PXN: variants seen among roughly 807,000 people sequenced by gnomAD.
PXN encodes the protein paxillin, also known as testicular tissue protein Li 134.
PXN carries 61 observed loss-of-function variants against 103.6 expected under a neutral mutation model. The ratio of observed to expected loss-of-function variants is 0.59; its 90% CI spans 0.48 to 0.73. PXN has a LOEUF of 0.73. Among genes scored for constraint, PXN ranks in the 30% least tolerant of loss-of-function variants. The probability of loss-of-function intolerance (pLI) is 0.00; values close to 1 mark genes in which losing one functional copy is unlikely to be tolerated. For synonymous variants in PXN, 562 were observed against 607.8 expected, an observed-to-expected ratio of 0.92 and a Z score of 1.11; for missense variants, 1,274 against 1,460.3, an observed-to-expected ratio of 0.87 and a Z score of 2.08.
At chr12:120,236,236 G>C (rs567522266) in intron 1 of PXN, among the ~76,000 whole-genome samples, 2 of 152,236 alleles carry the variant, frequency 1.3e-5, no homozygotes, top group African/African-American at 4.8e-5. Context: ...ACTGGCTCTC[G>C]ACCCTGACGT....
At position 120,221,620 on chromosome 12, in the gene PXN, C is replaced by T. The variant is rs536358857; in HGVS notation, c.831+3G>A. 70 of 1,560,724 alleles carry T rather than the reference C, an allele frequency of 4.5e-5. No homozygotes were observed. The African/African-American group carries it at 8.1e-4, about 18-fold the overall frequency. On this transcript the variant is annotated splice_donor_region_variant and intron_variant, in intron 6 of 14. Coordinates refer to ENST00000637617, the MANE Select transcript of PXN (RefSeq NM_001385981.1). The surrounding 1 kb of genome is among the most constrained non-coding windows in gnomAD (Gnocchi z 6.6). ...CAGGGAAGATGGAGGGTTCACAGGG[C>T]ACCTTGAAATCCGACAGCGAAGCCA...
chr12:120,218,773 G>C (rs1272541253), intron 7 of PXN, among the ~76,000 whole-genome samples: 1 of 152,198 alleles, frequency 6.6e-6, no homozygotes, highest in African/African-American at 2.4e-5. Context: ...ACACTTTCCA[G>C]GAATTATCTC....
chr12:120,222,010 G>T lies in PXN; in HGVS notation c.696-252C>A, dbSNP rs1390362530. Among the ~76,000 whole-genome samples the T allele has an allele frequency of 6.6e-6, 1 of 152,212 alleles. No individual in the cohort carries two copies. Among genetic ancestry groups the T allele is most frequent in the East Asian group, 1.9e-4 (1 of 5,198 alleles). ...AAGCTGGCCTGCGAAACAAGCCCAA[G>T]CGCCCTGTGTTTCCTCCACAACACT... On this transcript the variant is annotated intron_variant, in intron 5 of 14. Coordinates refer to ENST00000637617, the MANE Select transcript of PXN (RefSeq NM_001385981.1). This position sits in a 1 kb window ranked among gnomAD's most constrained non-coding sequence, Gnocchi z 4.7.
intron 1 of PXN, among the ~76,000 whole-genome samples, chr12:120,247,042 A>T (rs185560888): frequency 0.012 from 1,756 of 148,010 alleles, 26 homozygotes; most frequent in Non-Finnish European, 0.018. Flanking sequence ...AAAAAATTTT[A>T]AAAAAAAGAA....
rs1186868527 is a variant in PXN, at chr12:120,225,062, A to G, written c.14-685T>C. 3 of 265,842 alleles carry G rather than the reference A, an allele frequency of 1.1e-5. No homozygotes were observed. Among genetic ancestry groups the G allele is most frequent in the East Asian group, 9.3e-5 (1 of 10,798 alleles). 16.5% of individuals were successfully genotyped at this position (265,842 alleles called of 1,614,324 possible). A position where few individuals can be genotyped will look rare whatever the true frequency, so the allele number is the denominator to read the frequency against. ...GAAGTCTGGCAAGCAGCCCGGCCCC[A>G]GAGGCTCCAGGCCCCCACTGTTCTG... On this transcript the variant is annotated intron_variant, in intron 1 of 14. Transcript: ENST00000637617. The surrounding 1 kb of genome is among the most constrained non-coding windows in gnomAD (Gnocchi z 4.4).
intron 1 of PXN, among the ~76,000 whole-genome samples, chr12:120,233,972 A>G (rs1414627978): frequency 6.6e-6 from 1 of 152,202 alleles, no homozygotes; most frequent in East Asian, 1.9e-4. Context: ...ACAGGAAGCC[A>G]CCTCAGGATA....
intron 1 of PXN, among the ~76,000 whole-genome samples, chr12:120,231,449 C>T (rs968140037): frequency 3.5e-4 from 54 of 152,198 alleles, no homozygotes; most frequent in African/African-American, 1.2e-3. Flanking sequence ...ACTCATGCCT[C>T]ACTCAACAGG....
rs775130760 is a variant in PXN, at chr12:120,214,349, C to T, written c.2749-132G>A. 1.2e-5 allele frequency: 9 copies of T among 761,922 alleles called. No individual in the cohort carries two copies. Among genetic ancestry groups the T allele is most frequent in the Non-Finnish European group, 2.0e-5 (9 of 457,416 alleles). 47.2% of individuals were successfully genotyped at this position (761,922 alleles called of 1,614,324 possible). A position where few individuals can be genotyped will look rare whatever the true frequency, so the allele number is the denominator to read the frequency against. ...CAAAACACTCCCAAGATGGGGGTCT[C>T]TCCTAATTGTGCTGTGAATGCCTCT... On this transcript the variant is annotated intron_variant, in intron 12 of 14. Coordinates refer to ENST00000637617, the MANE Select transcript of PXN (RefSeq NM_001385981.1). This position sits in a 1 kb window ranked among gnomAD's most constrained non-coding sequence, Gnocchi z 5.0.
chr12:120,263,259 G>C (rs752966271), intron 1 of PXN, among the ~76,000 whole-genome samples: 1 of 152,330 alleles, frequency 6.6e-6, no homozygotes, highest in Middle Eastern at 3.4e-3. Context: ...GGGCCCCAGT[G>C]CAAAGGCAAA....
intron 1 of PXN, among the ~76,000 whole-genome samples, chr12:120,230,135 G>A (rs768461851): frequency 3.3e-5 from 5 of 152,182 alleles, no homozygotes; most frequent in African/African-American, 9.7e-5. Flanking sequence ...GGCAGGGAGC[G>A]GCCAGTGCAG....
At chr12:120,226,083 A>G in intron 1 of PXN, 4 of 1,105,620 alleles carry the variant, frequency 3.6e-6, no homozygotes, top group Non-Finnish European at 4.5e-6. Context: ...GGGAGTTGGT[A>G]GGTATCTAGG....
rs750350771 is a variant in PXN at position 120,216,291 on chromosome 12, C to G, written c.2283G>C (p.Pro761=). The change falls in exon 9 of 15, where the codon CCG becomes CCC. Residue 761 remains proline (P), a synonymous_variant. Coordinates refer to ENST00000637617, the MANE Select transcript of PXN (RefSeq NM_001385981.1). This position sits in a 1 kb window ranked among gnomAD's most constrained non-coding sequence, Gnocchi z 5.1. The part of the protein sequence containing the change: ...RSVGCQTDED[P]LFPPMQIQGL... Reference sequence around the variant, plus strand: ...GGCCTGCCTGCATCGGGGGGAAGAGCGGGTCCTCATCAGTCTGGCAGCCCA... The same window carrying G: ...GGCCTGCCTGCATCGGGGGGAAGAGGGGGTCCTCATCAGTCTGGCAGCCCA... 7.8e-7 allele frequency: 1 copy of G among 1,278,764 alleles called. No individual in the cohort carries two copies. Among genetic ancestry groups the G allele is most frequent in the South Asian group, 3.0e-5 (1 of 33,076 alleles). 79.2% of individuals were successfully genotyped at this position (1,278,764 alleles called of 1,614,324 possible).
At chr12:120,243,271 T>C (rs763237318) in intron 1 of PXN, among the ~76,000 whole-genome samples, 20 of 152,332 alleles carry the variant, frequency 1.3e-4, no homozygotes, top group Non-Finnish European at 2.4e-4. Flanking sequence ...CCTGCCTACC[T>C]AGAGAAAAAG....
chr12:120,248,294 C>A (rs1395187879), intron 1 of PXN, among the ~76,000 whole-genome samples: 1 of 151,994 alleles, frequency 6.6e-6, no homozygotes, highest in Non-Finnish European at 1.5e-5. Context: ...CCTCCTCTGT[C>A]CACAGCCCCT....
chr12:120,219,575 G>T lies in PXN; in HGVS notation c.1348C>A (p.Pro450Thr). ...ASEVFGPERM[P>T]PSGAARSFQE... ...AAGCTTCGAGCAGCTCCAGAGGGGG[G>T]CATTCTCTCAGGCCCGAATACCTCC... The change falls in exon 7 of 15, where the codon CCC (proline) becomes ACC (threonine). Residue 450 changes from proline to threonine, a missense_variant. Coordinates refer to ENST00000637617, the MANE Select transcript of PXN (RefSeq NM_001385981.1). This position sits in a 1 kb window ranked among gnomAD's most constrained non-coding sequence, Gnocchi z 6.5. 1 of 1,571,254 alleles carries T rather than the reference G, an allele frequency of 6.4e-7. No homozygotes were observed. The highest frequency in any genetic ancestry group is 8.6e-7 in the Non-Finnish European group (1 of 1,166,122).
At chr12:120,240,812 C>G (rs1202471216) in intron 1 of PXN, among the ~76,000 whole-genome samples, 1 of 152,188 alleles carries the variant, frequency 6.6e-6, no homozygotes, top group Admixed American at 6.5e-5. Flanking sequence ...CTAACCCACC[C>G]AGGACTGACT....
Position 120,229,432 on chromosome 12 carries a change from G to A in PXN, c.14-5055C>T, listed in dbSNP as rs186302211. Among the ~76,000 whole-genome samples, 127 of 152,248 alleles carry A rather than the reference G, an allele frequency of 8.3e-4. No individual in the cohort carries two copies. Among genetic ancestry groups the A allele is most frequent in the Admixed American group, 3.1e-3 (47 of 15,298 alleles). ...CTGAGGGGGTGGGAGGACCCAGAGC[G>A]ATTCCATTCTCTCCTCCCAGGCTCT... On this transcript the variant is annotated intron_variant, in intron 1 of 14. Transcript: ENST00000637617. This position sits in a 1 kb window ranked among gnomAD's most constrained non-coding sequence, Gnocchi z 4.0.
chr12:120,214,745 C>G lies in PXN; in HGVS notation c.2748+80G>C. 1 of 1,557,696 alleles carries G rather than the reference C, an allele frequency of 6.4e-7. No individual in the cohort carries two copies. The highest frequency in any genetic ancestry group is 8.8e-7 in the Non-Finnish European group (1 of 1,142,560). On this transcript the variant is annotated intron_variant, in intron 12 of 14. Transcript: ENST00000637617. The surrounding 1 kb of genome is among the most constrained non-coding windows in gnomAD (Gnocchi z 5.0). The stretch of plus-strand genomic sequence containing the variant: ...GCATGTGACCTCTCTGAGCCTCCCA[C>G]GGCACCCCCTGCATCCTCAGAGGGC...
At position 120,222,009 on chromosome 12, in the gene PXN, A is replaced by C. The variant is rs908572340; in HGVS notation, c.696-251T>G. Among the ~76,000 whole-genome samples, 1 of 152,146 alleles carries C rather than the reference A, an allele frequency of 6.6e-6. No individual in the cohort carries two copies. Among genetic ancestry groups the C allele is most frequent in the East Asian group, 1.9e-4 (1 of 5,190 alleles). ...AAAGCTGGCCTGCGAAACAAGCCCA[A>C]GCGCCCTGTGTTTCCTCCACAACAC... On this transcript the variant is annotated intron_variant, in intron 5 of 14. Transcript: ENST00000637617. The surrounding 1 kb of genome is among the most constrained non-coding windows in gnomAD (Gnocchi z 4.7).
Sources: allele counts gnomAD v4.1 joint callset (sites outside exome capture counted in the v4.1 genomes callset), GRCh38; gene constraint gnomAD v4.1.1; non-coding constraint Gnocchi (gnomAD v3.1); transcripts MANE v1.5; gene names NCBI Gene and HGNC (gene_info 2026-07-23, HGNC 2026-07-21).